The following PNKD variants were observed in gnomAD, a reference collection of about 807,000 sequenced individuals.
PNKD encodes PNKD metallo-beta-lactamase domain containing, also known as probable thioesterase PNKD.
Under a neutral mutation model 45.3 loss-of-function variants are expected in PNKD, and 36 were observed. That is an observed-to-expected ratio of 0.80 (90% CI 0.61 to 1.05). The LOEUF (loss-of-function observed/expected upper bound fraction) is 1.05, where lower values mean the gene tolerates loss of function less well. PNKD is among the 50% of genes least tolerant of loss of function. The pLI is 0.00. For missense variants in PNKD, 511 were observed against 506.6 expected (o/e 1.01, Z -0.08); for synonymous variants, 197 against 210.1 (o/e 0.94, Z 0.54).
At chr2:218,288,744 G>A (rs1437204860) in intron 2 of PNKD, among the ~76,000 whole-genome samples, 4 of 152,118 alleles carry the variant, frequency 2.6e-5, no homozygotes, top group Non-Finnish European at 2.9e-5. Flanking sequence ...CATGGCTATC[G>A]TGACTATATG....
intron 2 of PNKD, among the ~76,000 whole-genome samples, chr2:218,299,852 C>T (rs543422635): frequency 5.3e-5 from 8 of 152,054 alleles, no homozygotes; most frequent in Admixed American, 5.2e-4. Context: ...AACTCCTGAC[C>T]TCAGGTGATC....
chr2:218,296,914 G>GTCA (rs764714226), intron 2 of PNKD, among the ~76,000 whole-genome samples: 6 of 152,168 alleles, frequency 3.9e-5, no homozygotes, highest in African/African-American at 7.2e-5. Context: ...CTGGCCTCAG[G>GTCA]TCATCCACCT....
At chr2:218,302,939 C>T (rs1045603222) in intron 2 of PNKD, among the ~76,000 whole-genome samples, 2 of 151,530 alleles carry the variant, frequency 1.3e-5, no homozygotes, top group Non-Finnish European at 1.5e-5. Context: ...TCTGTTTGTT[C>T]GTTTGTTTGT....
At chr2:218,300,555 T>TC (rs921101285) in intron 2 of PNKD, among the ~76,000 whole-genome samples, 41 of 151,192 alleles carry the variant, frequency 2.7e-4, no homozygotes, top group African/African-American at 8.5e-4. Context: ...TCTTTTCTTT[T>TC]TTTTTTTTGA....
intron 2 of PNKD, among the ~76,000 whole-genome samples, chr2:218,306,880 A>G (rs1004805999): frequency 6.6e-6 from 1 of 152,254 alleles, no homozygotes; most frequent in Non-Finnish European, 1.5e-5. Flanking sequence ...TGACAAACAC[A>G]GATGCTTCCT....
intron 2 of PNKD, among the ~76,000 whole-genome samples, chr2:218,306,969 T>C (rs2106256394): frequency 6.6e-6 from 1 of 152,330 alleles, no homozygotes; most frequent in East Asian, 1.9e-4. Context: ...TAAATACACC[T>C]AAACCTACCA....
chr2:218,320,998 C>T (rs1477012764), intron 2 of PNKD, among the ~76,000 whole-genome samples: 4 of 152,194 alleles, frequency 2.6e-5, no homozygotes, highest in Non-Finnish European at 4.4e-5. Context: ...ACCCTCACTC[C>T]TTTTCCCAGT....
At chr2:218,297,534 A>C (rs1346950638) in intron 2 of PNKD, among the ~76,000 whole-genome samples, 1 of 151,872 alleles carries the variant, frequency 6.6e-6, no homozygotes, top group Non-Finnish European at 1.5e-5. Context: ...AAATACAAAC[A>C]ATTAGCCAAG....
At position 218,344,925 on chromosome 2, in the gene PNKD, C is replaced by G. The variant is rs185906233; in HGVS notation, c.1102C>G (p.Arg368Gly). Residue 368 changes from arginine to glycine, a missense_variant, in exon 10 of 10, where the codon CGG (arginine) becomes GGG (glycine). Transcript: ENST00000273077. ...CCCCACTGGGGATGATGACTACTCC[C>G]GGGCCCAGCTCCTGGAAGAGCTCCG... The part of the protein sequence containing the change: ...PGPTGDDDYS[R>G]AQLLEELRRL... The G allele has an allele frequency of 2.2e-5, 36 of 1,613,886 alleles. No homozygotes were observed. In the African/African-American group the frequency reaches 3.2e-4, roughly 14 times the overall value.
chr2:218,337,545 T>G (rs955135124), intron 2 of PNKD, among the ~76,000 whole-genome samples: 1 of 152,196 alleles, frequency 6.6e-6, no homozygotes, highest in Non-Finnish European at 1.5e-5. Flanking sequence ...GCAGCAGAGT[T>G]CCTTGGTCAT....
chr2:218,339,594 C>T (rs1379458056), intron 2 of PNKD, among the ~76,000 whole-genome samples, 189 bp from the exon 3 acceptor site: 2 of 152,150 alleles, frequency 1.3e-5, no homozygotes, highest in South Asian at 2.1e-4. Flanking sequence ...TAGGTGTGTC[C>T]GTCTCATTCT....
At chr2:218,324,963 A>G (rs1266305121) in intron 2 of PNKD, among the ~76,000 whole-genome samples, 2 of 149,022 alleles carry the variant, frequency 1.3e-5, no homozygotes, top group Non-Finnish European at 2.9e-5. Flanking sequence ...AAAAGAAAAA[A>G]AAATCCCAAA....
intron 2 of PNKD, chr2:218,275,446 A>G: frequency 6.2e-7 from 1 of 1,602,702 alleles, no homozygotes. Context: ...GGGAGAGCCC[A>G]GGATCGGGTG....
chr2:218,318,053 C>G (rs1486032586), intron 2 of PNKD: 2 of 152,464 alleles, frequency 1.3e-5, no homozygotes, highest in Non-Finnish European at 2.9e-5. Context: ...TGAATGCCAA[C>G]CAAGCACCAG....
intron 2 of PNKD, among the ~76,000 whole-genome samples, chr2:218,332,993 T>C (rs114677435): frequency 9.7e-4 from 147 of 152,290 alleles, no homozygotes; most frequent in African/African-American, 3.2e-3. Context: ...GAACCGTCCA[T>C]GCCGCTGGCT....
chr2:218,295,816 C>A (rs1211016404), intron 2 of PNKD, among the ~76,000 whole-genome samples: 1 of 150,492 alleles, frequency 6.6e-6, no homozygotes, highest in Non-Finnish European at 1.5e-5. Context: ...GCAAGGCAAC[C>A]AGTTTGAGCT....
Position 218,323,425 on chromosome 2 carries a change from G to A in PNKD, c.237-16358G>A, listed in dbSNP as rs866460771. 2.4e-5 allele frequency: 37 copies of A among 1,563,496 alleles called. 3 individuals carry two copies. The Middle Eastern group carries it at 4.3e-3, about 183-fold the overall frequency. ...GCGCACAGCCAGCGGCTGCTCTTCC[G>A]AATCGGGTTAGTGCCCGGGCTCCGA... On this transcript the variant is annotated intron_variant, in intron 2 of 9. Coordinates refer to ENST00000273077, the MANE Select transcript of PNKD (RefSeq NM_015488.5).
chr2:218,282,185 A>T (rs1232003424), intron 2 of PNKD: 2 of 1,405,868 alleles, frequency 1.4e-6, no homozygotes, highest in African/African-American at 2.9e-5. Flanking sequence ...CTGGGACCTG[A>T]AATGGGAGAG....
At position 218,345,033 on chromosome 2, in the gene PNKD, C is replaced by G; in HGVS notation, c.*52C>G. ...ACTCCCCGCATGGGGAGGCCGCCAC[C>G]ACCAACACCTCATCATCCTTCTCAT... On this transcript the variant is annotated 3_prime_UTR_variant, in exon 10 of 10. Transcript: ENST00000273077. The G allele has an allele frequency of 7.2e-7, 1 of 1,391,200 alleles. No homozygotes were observed. The highest frequency in any genetic ancestry group is 1.0e-6 in the Non-Finnish European group (1 of 1,000,654). The allele number at this position is 1,391,200 out of a possible 1,614,324, so 86.2% of individuals were successfully genotyped here.
Sources: allele counts gnomAD v4.1 joint callset (sites outside exome capture counted in the v4.1 genomes callset), GRCh38; gene constraint gnomAD v4.1.1; transcripts MANE v1.5; gene names NCBI Gene and HGNC (gene_info 2026-07-23, HGNC 2026-07-21).